Variants in NOL4 observed in about 807,000 individuals in gnomAD.
The protein encoded by NOL4 is cancer/testis antigen 125.
In NOL4, 17 loss-of-function variants were observed where a neutral mutation model predicts 75.9. That is an observed-to-expected ratio of 0.22 (90% confidence interval 0.15 to 0.34). NOL4 has a LOEUF of 0.34. Ranked by LOEUF, NOL4 falls within the 10% of genes least tolerant of loss-of-function variation. The pLI is 1.00. For missense variants in NOL4, 614 were observed against 793.5 expected, an observed-to-expected ratio of 0.77 and a Z score of 2.72; for synonymous variants, 292 against 289.9, an observed-to-expected ratio of 1.01 and a Z score of -0.07.
chr18:34,223,336 G>A lies in NOL4; in HGVS notation c.-83C>T. 8 of 1,540,016 alleles carry A rather than the reference G, an allele frequency of 5.2e-6. No individual in the cohort carries two copies. The highest frequency in any genetic ancestry group is 4.9e-5 in the South Asian group (4 of 80,902). The stretch of plus-strand genomic sequence containing the variant: ...CTAGGCTCATGAAAAATGCAGCCCC[G>A]GCCACGTTGCAGGGATGCGAGGTCC... On this transcript the variant is annotated 5_prime_UTR_variant, in exon 1 of 11. Transcript: ENST00000261592.
intron 1 of NOL4, among the ~76,000 whole-genome samples, chr18:34,139,478 G>A (rs2081047890): frequency 6.6e-6 from 1 of 152,166 alleles, no homozygotes; most frequent in East Asian, 1.9e-4. Context: ...GGTGTTTATA[G>A]TATTCTCTGA....
At chr18:34,048,710 T>G (rs2076495624) in intron 5 of NOL4, 1 of 555,416 alleles carries the variant, frequency 1.8e-6, no homozygotes, top group African/African-American at 2.0e-5. Flanking sequence ...GCACTCAGTC[T>G]TCCTCCAGGG....
chr18:34,128,764 A>G (rs891495189), intron 2 of NOL4: 1 of 396,384 alleles, frequency 2.5e-6, no homozygotes, highest in African/African-American at 2.2e-5. Flanking sequence ...CAAAGATTCA[A>G]TATGACCCTG....
chr18:33,913,367 C>CT (rs917682654), intron 9 of NOL4, among the ~76,000 whole-genome samples: 2 of 152,048 alleles, frequency 1.3e-5, no homozygotes, highest in African/African-American at 4.8e-5. Context: ...AATGCAAAAC[C>CT]TTTTTTCTAG....
intron 2 of NOL4, among the ~76,000 whole-genome samples, chr18:34,118,376 T>G (rs2079963666): frequency 6.6e-6 from 1 of 152,166 alleles, no homozygotes; most frequent in Non-Finnish European, 1.5e-5. Flanking sequence ...TGAGAAAATT[T>G]GTATCACAAA....
At chr18:33,885,609 A>G (rs72955219) in intron 9 of NOL4, among the ~76,000 whole-genome samples, 2,012 of 152,304 alleles carry the variant, frequency 0.013, 22 homozygotes, top group Non-Finnish European at 0.021. Flanking sequence ...ATAAATCAAA[A>G]CTACAGTGAG....
chr18:33,891,624 A>G (rs2144826926), intron 9 of NOL4, among the ~76,000 whole-genome samples: 1 of 152,218 alleles, frequency 6.6e-6, no homozygotes, highest in South Asian at 2.1e-4. Context: ...ATACAAGTCT[A>G]CTTCTTCGTA....
chr18:34,067,395 T>G (rs886381560), intron 5 of NOL4, among the ~76,000 whole-genome samples: 14 of 152,172 alleles, frequency 9.2e-5, no homozygotes, highest in Admixed American at 2.0e-4. Context: ...GAAAGGGCTT[T>G]GAGTAAAAAA....
intron 1 of NOL4, among the ~76,000 whole-genome samples, chr18:34,165,783 T>A (rs568887059): frequency 1.2e-4 from 19 of 152,172 alleles, no homozygotes; most frequent in African/African-American, 4.6e-4. Context: ...AGGTGATTCT[T>A]TTTTTCTTCT....
chr18:33,973,023 C>T (rs2071203512), intron 6 of NOL4, among the ~76,000 whole-genome samples: 1 of 152,168 alleles, frequency 6.6e-6, no homozygotes, highest in Non-Finnish European at 1.5e-5. Context: ...CAAGATTTCT[C>T]TGTAACATGT....
At chr18:34,209,336 T>TA (rs1347328336) in intron 1 of NOL4, among the ~76,000 whole-genome samples, 17 of 152,178 alleles carry the variant, frequency 1.1e-4, no homozygotes, top group Admixed American at 7.9e-4. Context: ...ATAATTTTGA[T>TA]AAAAAACAGC....
chr18:33,894,699 T>C lies in NOL4; in HGVS notation c.1543-11275A>G, dbSNP rs77118663. On this transcript the variant is annotated intron_variant, in intron 9 of 10. Coordinates refer to ENST00000261592, the MANE Select transcript of NOL4 (RefSeq NM_003787.5). ...AATTCTCTTTGTAGCAATATTTACA[T>C]GCACATACACACACTACATGATTTT... is the stretch of plus-strand genomic sequence containing the variant. Among the ~76,000 whole-genome samples the C allele has an allele frequency of 2.4e-3, 360 of 152,276 alleles. 3 individuals are homozygous for C. Among genetic ancestry groups the C allele is most frequent in the Admixed American group, 0.019 (287 of 15,262 alleles).
chr18:34,174,915 T>C (rs542163973), intron 1 of NOL4, among the ~76,000 whole-genome samples: 11 of 152,272 alleles, frequency 7.2e-5, no homozygotes, highest in African/African-American at 1.9e-4. Context: ...ATTTTCTTTA[T>C]CCAGTCTATC....
At chr18:34,034,790 T>C (rs1183889710) in intron 5 of NOL4, among the ~76,000 whole-genome samples, 1 of 142,336 alleles carries the variant, frequency 7.0e-6, no homozygotes, top group African/African-American at 2.7e-5. Flanking sequence ...TGAGCAGGAA[T>C]AGCTATATTT....
intron 2 of NOL4, among the ~76,000 whole-genome samples, chr18:34,107,782 T>C: frequency 6.6e-6 from 1 of 151,568 alleles, no homozygotes; most frequent in East Asian, 1.9e-4. Flanking sequence ...GATGGTGAAA[T>C]AGGAGTTTCC....
At chr18:34,175,856 C>G (rs1568421347) in intron 1 of NOL4, among the ~76,000 whole-genome samples, 1 of 151,968 alleles carries the variant, frequency 6.6e-6, no homozygotes, top group Non-Finnish European at 1.5e-5. Context: ...AACAGCAAAT[C>G]TTGGGGAGAG....
intron 1 of NOL4, among the ~76,000 whole-genome samples, chr18:34,177,414 T>C (rs2033648574): frequency 6.6e-6 from 1 of 151,954 alleles, no homozygotes; most frequent in South Asian, 2.1e-4. Flanking sequence ...ATATGAAATA[T>C]GTACAATTTA....
At chr18:34,118,991 T>A (rs2079993708) in intron 2 of NOL4, among the ~76,000 whole-genome samples, 1 of 152,220 alleles carries the variant, frequency 6.6e-6, no homozygotes, top group Admixed American at 6.5e-5. Context: ...AATATGGTTC[T>A]ACAGCATTAA....
At chr18:34,030,761 A>G (rs1303489076) in intron 5 of NOL4, among the ~76,000 whole-genome samples, 3 of 152,142 alleles carry the variant, frequency 2.0e-5, no homozygotes, top group Admixed American at 2.0e-4. Context: ...TAATGGATAT[A>G]CTAATTACTC....
Sources: gnomAD v4.1 joint callset for allele counts (sites outside exome capture counted in the v4.1 genomes callset) on GRCh38, gnomAD v4.1.1 for gene constraint, MANE v1.5 for transcripts, NCBI Gene and HGNC (gene_info 2026-07-23, HGNC 2026-07-21) for gene names.